The following SGCD variants were observed in gnomAD, a reference collection of about 807,000 sequenced individuals.
SGCD encodes delta-sarcoglycan.
Under a neutral mutation model 36.6 loss-of-function variants are expected in SGCD, and 18 were observed. The observed-to-expected ratio is 0.49, with a 90% CI of 0.34 to 0.73. SGCD has a LOEUF of 0.73. SGCD is among the 30% of genes least tolerant of loss of function. SGCD has a pLI of 0.01. For synonymous variants in SGCD, 133 were observed against 130.6 expected, an observed-to-expected ratio of 1.02 and a Z score of -0.12; for missense variants, 387 against 346.7, an observed-to-expected ratio of 1.12 and a Z score of -0.92.
the SGCD span, among the ~76,000 whole-genome samples, chr5:155,799,155 A>G: frequency 5.9e-5 from 9 of 152,228 alleles, no homozygotes; most frequent in African/African-American, 2.2e-4. Context: ...ATAAGTAACA[A>G]ATGATTCACA....
chr5:155,754,149 T>A, the SGCD span, among the ~76,000 whole-genome samples: 4 of 152,226 alleles, frequency 2.6e-5, no homozygotes, highest in Non-Finnish European at 5.9e-5. Flanking sequence ...GTCCTGAATT[T>A]GCTCTTGACC....
intron 4 of SGCD, among the ~76,000 whole-genome samples, chr5:156,537,908 T>C (rs765441705): frequency 1.3e-5 from 2 of 152,106 alleles, no homozygotes; most frequent in Non-Finnish European, 2.9e-5. Context: ...TTCTCATGGT[T>C]CTGGGCCTGG....
chr5:156,318,379 A>G (rs1767571816), intron 3 of SGCD, among the ~76,000 whole-genome samples: 1 of 152,162 alleles, frequency 6.6e-6, no homozygotes, highest in Non-Finnish European at 1.5e-5. Flanking sequence ...CAGTGGTACT[A>G]GAGACAGTGA....
intron 2 of SGCD, among the ~76,000 whole-genome samples, chr5:156,342,479 G>A (rs1364165394): frequency 6.6e-6 from 1 of 152,148 alleles, no homozygotes; most frequent in Non-Finnish European, 1.5e-5. Flanking sequence ...CTAAGATTCT[G>A]TGATCATTTT....
chr5:156,756,186 C>T lies in SGCD; in HGVS notation c.576-1395C>T, dbSNP rs115530474. On this transcript the variant is annotated intron_variant, in intron 7 of 8. Coordinates refer to ENST00000337851, the MANE Select transcript of SGCD (RefSeq NM_000337.6). The stretch of plus-strand genomic sequence containing the variant: ...TTTTGAGAACCATTGCTGAGGTCTC[C>T]GTTCCTACGTTAGGATACTTTCTTT... Among the ~76,000 whole-genome samples, 1,377 of 152,276 alleles carry T rather than the reference C, an allele frequency of 9.0e-3. 7 individuals carry two copies. Among genetic ancestry groups the T allele is most frequent in the Non-Finnish European group, 0.012 (785 of 68,012 alleles).
At chr5:156,511,842 G>A (rs1216629845) in intron 4 of SGCD, among the ~76,000 whole-genome samples, 2 of 152,114 alleles carry the variant, frequency 1.3e-5, no homozygotes, top group Admixed American at 6.5e-5. Flanking sequence ...CTGAACCAGC[G>A]AATCACTGAA....
At chr5:155,922,853 C>A (rs767867363) in intron 1 of SGCD, among the ~76,000 whole-genome samples, 3 of 152,116 alleles carry the variant, frequency 2.0e-5, no homozygotes, top group Non-Finnish European at 4.4e-5. Context: ...CTGAGAAGAC[C>A]AATAAATCAC....
At chr5:156,693,185 T>C (rs1754182144) in intron 7 of SGCD, among the ~76,000 whole-genome samples, 1 of 152,228 alleles carries the variant, frequency 6.6e-6, no homozygotes, top group Admixed American at 6.5e-5. Flanking sequence ...TTTGGTAGAT[T>C]TTACTTTTTC....
chr5:156,638,134 T>A (rs1013158056), intron 6 of SGCD, among the ~76,000 whole-genome samples: 2 of 152,132 alleles, frequency 1.3e-5, no homozygotes, highest in South Asian at 4.1e-4. Context: ...ACTTTTTTTT[T>A]TTTTATTTTA....
At chr5:156,388,962 T>G (rs62380725) in intron 3 of SGCD, among the ~76,000 whole-genome samples, 29,636 of 152,208 alleles carry the variant, frequency 0.19, 2,943 homozygotes, top group Middle Eastern at 0.26. Context: ...TGGAAATGTT[T>G]ATTTGATTCT....
At chr5:156,499,181 G>A (rs953613744) in intron 3 of SGCD, among the ~76,000 whole-genome samples, 8 of 152,142 alleles carry the variant, frequency 5.3e-5, no homozygotes, top group African/African-American at 1.9e-4. Context: ...GGGGCTAATA[G>A]TGCCTACCCT....
chr5:156,618,946 G>C (rs1762129400), intron 6 of SGCD, among the ~76,000 whole-genome samples: 1 of 152,078 alleles, frequency 6.6e-6, no homozygotes, highest in African/African-American at 2.4e-5. Context: ...AGTAAGTTGG[G>C]GATGTTTGTC....
chr5:155,903,908 A>G (rs555453995), intron 1 of SGCD, among the ~76,000 whole-genome samples: 73 of 152,232 alleles, frequency 4.8e-4, no homozygotes, highest in African/African-American at 1.7e-3. Context: ...GGGGAGGACA[A>G]ACTCCTCAGC....
At chr5:156,307,723 T>G (rs1396140514) in intron 3 of SGCD, among the ~76,000 whole-genome samples, 1 of 152,056 alleles carries the variant, frequency 6.6e-6, no homozygotes, top group Non-Finnish European at 1.5e-5. Context: ...TTTAACCTCT[T>G]AATATTATAA....
At chr5:156,077,221 C>T (rs952173605) in intron 1 of SGCD, among the ~76,000 whole-genome samples, 9 of 152,136 alleles carry the variant, frequency 5.9e-5, no homozygotes, top group Non-Finnish European at 8.8e-5. Context: ...TAAGGTGCCA[C>T]GTGGCAAACT....
intron 3 of SGCD, among the ~76,000 whole-genome samples, chr5:156,433,018 C>T (rs80126505): frequency 2.0e-5 from 3 of 152,238 alleles, no homozygotes; most frequent in African/African-American, 7.2e-5. Flanking sequence ...CAGGAGAGTT[C>T]ATCCCACTCA....
intron 3 of SGCD, among the ~76,000 whole-genome samples, chr5:156,207,579 T>C (rs1340009829): frequency 6.6e-6 from 1 of 152,190 alleles, no homozygotes; most frequent in Non-Finnish European, 1.5e-5. Context: ...TTAAAATTAG[T>C]AGTTTGGTGC....
intron 3 of SGCD, among the ~76,000 whole-genome samples, chr5:156,209,344 C>G (rs945950903): frequency 2.0e-5 from 3 of 152,178 alleles, no homozygotes; most frequent in Admixed American, 6.5e-5. Context: ...CTCTAGTCAT[C>G]AGGCTAGCTA....
At chr5:156,712,032 T>C (rs1468193221) in intron 7 of SGCD, among the ~76,000 whole-genome samples, 2 of 152,210 alleles carry the variant, frequency 1.3e-5, no homozygotes, top group Non-Finnish European at 2.9e-5. Context: ...GGTGGGAGTG[T>C]AGCAGTGATG....
Sources: allele counts gnomAD v4.1 joint callset (sites outside exome capture counted in the v4.1 genomes callset), GRCh38; gene constraint gnomAD v4.1.1; transcripts MANE v1.5; gene names NCBI Gene and HGNC (gene_info 2026-07-23, HGNC 2026-07-21).